ADGRG2: variants seen among roughly 807,000 people sequenced by gnomAD.
ADGRG2 encodes adhesion G protein-coupled receptor G2, also known as G protein-coupled receptor 64.
Under a neutral mutation model 74.1 loss-of-function variants are expected in ADGRG2, and 26 were observed. The ratio of observed to expected loss-of-function variants is 0.35; its 90% CI spans 0.26 to 0.49. ADGRG2 has a LOEUF of 0.49. Among genes scored for constraint, ADGRG2 ranks in the 20% least tolerant of loss-of-function variants. The probability of loss-of-function intolerance (pLI) is 0.99; values close to 1 mark genes in which losing one functional copy is unlikely to be tolerated. For missense variants in ADGRG2, 619 were observed against 763.1 expected (o/e 0.81, Z 2.22); for synonymous variants, 296 against 295.2 (o/e 1.00, Z -0.03).
intron 19 of ADGRG2, 101 bp downstream of exon 19, chrX:19,007,879 T>C: frequency 1.4e-6 from 1 of 690,945 alleles, no homozygotes; most frequent in Non-Finnish European, 2.2e-6. Context: ...GGCAATTCAT[T>C]TGACTTACGG....
intron 3 of ADGRG2, among the ~76,000 whole-genome samples, chrX:19,055,256 GTGTGTGTGTGTGTGTA>G (rs1430177588): frequency 9.0e-6 from 1 of 111,096 alleles, no homozygotes; most frequent in Non-Finnish European, 1.9e-5. Flanking sequence ...GTGTGTGTGT[GTGTGTGTGTGTGTGTA>G]TGTGTGTGTG....
At chrX:19,080,007 T>A (rs1233672222) in intron 2 of ADGRG2, among the ~76,000 whole-genome samples, 1 of 108,639 alleles carries the variant, frequency 9.2e-6, no homozygotes, top group African/African-American at 3.4e-5. Flanking sequence ...ACCTCCCGGT[T>A]CAAGCAATTC....
chrX:19,092,894 T>C (rs1052930072), intron 1 of ADGRG2, among the ~76,000 whole-genome samples: 1 of 111,590 alleles, frequency 9.0e-6, no homozygotes, highest in African/African-American at 3.3e-5. Flanking sequence ...CCTCACTCCC[T>C]GCAAAGAAAG....
rs183225469 is a variant in ADGRG2 at position 19,039,918 on chromosome X, A to G, written c.154+271T>C. Among the ~76,000 whole-genome samples, 308 of 112,109 alleles carry G rather than the reference A, an allele frequency of 2.7e-3. 1 individual carries two copies. Among genetic ancestry groups the G allele is most frequent in the African/African-American group, 9.4e-3 (292 of 30,900 alleles). On this transcript the variant is annotated intron_variant, in intron 4 of 28. Coordinates refer to ENST00000379869, the MANE Select transcript of ADGRG2 (RefSeq NM_001079858.3). ...ACTTGTGAACTAGAATACTAAAAAT[A>G]ACTGCTGAACTTAAGTAATTACTGT...
intron 24 of ADGRG2, among the ~76,000 whole-genome samples, chrX:19,001,980 C>T (rs1238935312): frequency 9.0e-6 from 1 of 110,931 alleles, no homozygotes; most frequent in African/African-American, 3.3e-5. Flanking sequence ...GGATTATACA[C>T]ACTGTTATAT....
At chrX:19,075,202 A>G (rs891959836) in intron 2 of ADGRG2, among the ~76,000 whole-genome samples, 28 of 105,897 alleles carry the variant, frequency 2.6e-4, no homozygotes, top group African/African-American at 9.3e-4. Flanking sequence ...TCTCAATCAA[A>G]AGAAATAAAA....
chrX:19,074,999 G>T (rs1228519764), intron 2 of ADGRG2, among the ~76,000 whole-genome samples: 3 of 111,163 alleles, frequency 2.7e-5, no homozygotes, highest in Non-Finnish European at 5.7e-5. Context: ...GTGGGTATGG[G>T]CCTAATGAGG....
Position 19,013,899 on chromosome X carries a change from T to C in ADGRG2, c.886A>G (p.Ile296Val). ...SPVTHNVPSP[I>V]GEIQPLSPQP... ...GGTGAAAGGGGTTGAATCTCCCCTATTGGAGAGGGAACATTGTGGGTCACA... is the reference window on the plus strand; with the variant it reads ...GGTGAAAGGGGTTGAATCTCCCCTACTGGAGAGGGAACATTGTGGGTCACA... The change falls in exon 16 of 29, where the codon ATA becomes GTA. Residue 296 changes from isoleucine (I) to valine (V), a missense_variant. Physicochemically the swap from Ile to Val is conservative, Grantham distance 29. This residue lies in a region of ADGRG2 where 292 missense variants were observed against 318.0 expected (regional missense o/e 0.92). Coordinates refer to ENST00000379869, the MANE Select transcript of ADGRG2 (RefSeq NM_001079858.3). 3.3e-6 allele frequency: 4 copies of C among 1,209,069 alleles called. No homozygotes were observed. Among genetic ancestry groups the C allele is most frequent in the Non-Finnish European group, 4.5e-6 (4 of 893,764 alleles).
chrX:19,048,976 C>T (rs1199612819), intron 3 of ADGRG2, among the ~76,000 whole-genome samples: 1 of 111,796 alleles, frequency 8.9e-6, no homozygotes, highest in Non-Finnish European at 1.9e-5. Context: ...TCAATGGAAT[C>T]GCCCCAACAT....
At chrX:19,084,000 C>T (rs1305542866) in intron 1 of ADGRG2, among the ~76,000 whole-genome samples, 1 of 111,911 alleles carries the variant, frequency 8.9e-6, no homozygotes, top group Non-Finnish European at 1.9e-5. Context: ...GATACATGCA[C>T]ACATATGTTC....
At chrX:19,048,096 C>G (rs1052348341) in intron 3 of ADGRG2, among the ~76,000 whole-genome samples, 2 of 111,300 alleles carry the variant, frequency 1.8e-5, no homozygotes, top group Admixed American at 1.9e-4. Flanking sequence ...TTTTCTCCTG[C>G]CTTCGCACAG....
intron 3 of ADGRG2, among the ~76,000 whole-genome samples, chrX:19,040,569 T>C (rs1456213669): frequency 8.9e-6 from 1 of 112,339 alleles, no homozygotes; most frequent in African/African-American, 3.2e-5. Flanking sequence ...AGTATGTTAA[T>C]TTACTATTAT....
chrX:19,088,685 G>T, intron 1 of ADGRG2, among the ~76,000 whole-genome samples: 1 of 110,757 alleles, frequency 9.0e-6, no homozygotes, highest in Non-Finnish European at 1.9e-5. Context: ...GCCCAGGCTG[G>T]TCTCCAACTC....
chrX:19,119,877 A>C (rs12392840), intron 1 of ADGRG2, among the ~76,000 whole-genome samples: 29,241 of 111,148 alleles, frequency 0.26, 5,431 homozygotes, highest in African/African-American at 0.67. Context: ...AATGCCACTT[A>C]TCTGACTTTT....
At chrX:19,008,195 G>A (rs2060276163) in intron 18 of ADGRG2, 72 bp from the exon 19 acceptor site, 1 of 800,734 alleles carries the variant, frequency 1.2e-6, no homozygotes, top group Non-Finnish European at 1.8e-6. Context: ...CATCTATTAA[G>A]TTGGTGCAAA....
intron 2 of ADGRG2, among the ~76,000 whole-genome samples, chrX:19,081,171 A>T (rs766744426): frequency 1.8e-5 from 2 of 111,250 alleles, no homozygotes; most frequent in African/African-American, 6.5e-5. Context: ...TTTGCCTAAA[A>T]ACAAAAACAA....
chrX:19,098,070 T>C, intron 1 of ADGRG2, among the ~76,000 whole-genome samples: 1 of 112,942 alleles, frequency 8.9e-6, no homozygotes, highest in Non-Finnish European at 1.9e-5. Context: ...ATTAAGATGC[T>C]CATTTTGGCA....
intron 18 of ADGRG2, among the ~76,000 whole-genome samples, chrX:19,009,216 C>T (rs1410363666): frequency 9.3e-6 from 1 of 107,054 alleles, no homozygotes; most frequent in Non-Finnish European, 1.9e-5. Flanking sequence ...ATTACTCTGT[C>T]GCTCAGGCTG....
intron 25 of ADGRG2, 149 bp downstream of exon 25, chrX:18,999,712 T>C: frequency 2.1e-6 from 1 of 472,865 alleles, no homozygotes; most frequent in Admixed American, 3.4e-5. Context: ...GCTTCTCTCA[T>C]TACATATGAC....
Sources: gnomAD v4.1 joint callset for allele counts (sites outside exome capture counted in the v4.1 genomes callset) on GRCh38, gnomAD v4.1.1 for gene constraint, gnomAD v4.1.1 regional missense constraint, MANE v1.5 for transcripts, NCBI Gene and HGNC (gene_info 2026-07-23, HGNC 2026-07-21) for gene names.